The following ROBO1 variants were observed in gnomAD, a reference collection of about 807,000 sequenced individuals.
ROBO1 encodes the protein roundabout homolog 1.
ROBO1 carries 149 observed loss-of-function variants against 195.9 expected under a neutral mutation model. That is an observed-to-expected ratio of 0.76 (90% CI 0.67 to 0.87). The LOEUF is 0.87. ROBO1 is among the 40% of genes least tolerant of loss of function. ROBO1 has a pLI of 0.00. For synonymous variants in ROBO1, 816 were observed against 733.2 expected (o/e 1.11, Z -1.82); for missense variants, 1,933 against 2,068.3 (o/e 0.93, Z 1.27).
chr3:78,944,563 C>G (rs558253536), intron 3 of ROBO1, among the ~76,000 whole-genome samples: 4 of 152,090 alleles, frequency 2.6e-5, no homozygotes, highest in Non-Finnish European at 5.9e-5. Context: ...GGAACAGCTC[C>G]GGTCTACAGC....
intron 2 of ROBO1, among the ~76,000 whole-genome samples, chr3:79,530,927 C>T (rs1941636224): frequency 6.6e-6 from 1 of 152,060 alleles, no homozygotes; most frequent in South Asian, 2.1e-4. Flanking sequence ...GGACGTGACC[C>T]CTTGCTCTGT....
intron 4 of ROBO1, among the ~76,000 whole-genome samples, chr3:78,863,528 G>A (rs2034980742): frequency 6.6e-6 from 1 of 152,156 alleles, no homozygotes; most frequent in African/African-American, 2.4e-5. Context: ...CATGCATGGG[G>A]TTGGGGAAGG....
chr3:78,599,764 T>C (rs1369074172), intron 30 of ROBO1, among the ~76,000 whole-genome samples: 1 of 152,186 alleles, frequency 6.6e-6, no homozygotes, highest in Non-Finnish European at 1.5e-5. Context: ...AACTCTGTCA[T>C]CTTACTGGGT....
chr3:79,515,918 T>A (rs1235907663), intron 2 of ROBO1, among the ~76,000 whole-genome samples: 1 of 152,194 alleles, frequency 6.6e-6, no homozygotes, highest in Non-Finnish European at 1.5e-5. Flanking sequence ...GAATAAAATA[T>A]ATTTTACTTC....
At chr3:79,638,888 T>C (rs1945574969) in intron 1 of ROBO1, among the ~76,000 whole-genome samples, 1 of 152,184 alleles carries the variant, frequency 6.6e-6, no homozygotes, top group Admixed American at 6.5e-5. Flanking sequence ...CCTAAGACTT[T>C]TAAATTTTGA....
In ROBO1 at chr3:78,865,016, T is replaced by G. The variant is rs147030698; in HGVS notation, c.499+73585A>C. Among the ~76,000 whole-genome samples, 627 of 152,312 alleles carry G rather than the reference T, an allele frequency of 4.1e-3. 15 individuals carry two copies. Among genetic ancestry groups the G allele is most frequent in the African/African-American group, 0.013 (543 of 41,572 alleles). On this transcript the variant is annotated intron_variant, in intron 4 of 30. Transcript: ENST00000464233. ...ATATCTTTACTAAAACAGACTTCTA[T>G]TTTTGCATTACCATTCACTCATTTT...
At chr3:78,874,015 G>A (rs1275191583) in intron 4 of ROBO1, among the ~76,000 whole-genome samples, 1 of 151,622 alleles carries the variant, frequency 6.6e-6, no homozygotes, top group Non-Finnish European at 1.5e-5. Flanking sequence ...TTTAAAGAGA[G>A]GATTTTTTTT....
intron 5 of ROBO1, among the ~76,000 whole-genome samples, chr3:78,739,301 A>G (rs2082466866): frequency 6.6e-6 from 1 of 152,178 alleles, no homozygotes; most frequent in African/African-American, 2.4e-5. Context: ...TTATATCTAT[A>G]CAAAATTCCC....
chr3:79,156,159 A>G (rs903566876), intron 2 of ROBO1, among the ~76,000 whole-genome samples: 5 of 151,586 alleles, frequency 3.3e-5, no homozygotes, highest in Admixed American at 3.3e-4. Flanking sequence ...TATTCTGCCC[A>G]TCTCTGCTTA....
At chr3:79,042,956 AT>A (rs1279709835) in intron 3 of ROBO1, among the ~76,000 whole-genome samples, 2 of 152,112 alleles carry the variant, frequency 1.3e-5, no homozygotes, top group Non-Finnish European at 2.9e-5. Flanking sequence ...ATAAAATTGT[AT>A]TTTCACCATA....
chr3:79,728,629 A>AT (rs1194013464), intron 1 of ROBO1, among the ~76,000 whole-genome samples: 15 of 152,234 alleles, frequency 9.9e-5, no homozygotes, highest in East Asian at 5.8e-4. Context: ...CATGACTACA[A>AT]TTTTTTTGGT....
chr3:79,015,380 G>GC (rs77153570), intron 3 of ROBO1, among the ~76,000 whole-genome samples: 2,808 of 69,246 alleles, frequency 0.041, 55 homozygotes, highest in African/African-American at 0.085. Context: ...CCTCCCCCAC[G>GC]CCCCCCCCCA....
chr3:79,129,946 C>T (rs557812686), intron 2 of ROBO1, among the ~76,000 whole-genome samples: 48 of 128,750 alleles, frequency 3.7e-4, no homozygotes, highest in African/African-American at 1.3e-3. Flanking sequence ...GAATCCTTTC[C>T]CCATTGCTTG....
At chr3:79,490,213 G>T (rs1201520612) in intron 2 of ROBO1, among the ~76,000 whole-genome samples, 1 of 152,074 alleles carries the variant, frequency 6.6e-6, no homozygotes, top group Non-Finnish European at 1.5e-5. Context: ...TATGGTATAT[G>T]TGGCTGTTCT....
intron 2 of ROBO1, among the ~76,000 whole-genome samples, chr3:79,184,969 G>C (rs1305558760): frequency 6.6e-6 from 1 of 152,050 alleles, no homozygotes; most frequent in African/African-American, 2.4e-5. Context: ...TAATCAGCCA[G>C]ACTCTTCCAT....
intron 5 of ROBO1, among the ~76,000 whole-genome samples, chr3:78,734,639 A>G (rs954830716): frequency 7.9e-5 from 12 of 151,856 alleles, no homozygotes; most frequent in Non-Finnish European, 1.6e-4. Flanking sequence ...CTCCAGAATC[A>G]TCTCAGGAGA....
rs182232036 is a variant in ROBO1 at position 79,339,627 on chromosome 3, C to T, written c.89-214088G>A. ...TGTAGTTCTCTTTCCTGATTAATTA[C>T]TTCCTTAGCACTCATCAACATCTGA... On this transcript the variant is annotated intron_variant, in intron 2 of 30. Coordinates refer to ENST00000464233, the MANE Select transcript of ROBO1 (RefSeq NM_002941.4). Among the ~76,000 whole-genome samples, 698 of 152,254 alleles carry T rather than the reference C, an allele frequency of 4.6e-3. 5 individuals carry two copies. The highest frequency in any genetic ancestry group is 0.016 in the African/African-American group (652 of 41,556).
At chr3:78,987,684 T>C (rs541358286) in intron 3 of ROBO1, among the ~76,000 whole-genome samples, 1 of 152,100 alleles carries the variant, frequency 6.6e-6, no homozygotes, top group African/African-American at 2.4e-5. Context: ...GAATAAGACC[T>C]AGTATTTCAT....
chr3:79,758,755 C>G (rs951988316), intron 1 of ROBO1, among the ~76,000 whole-genome samples: 1 of 151,940 alleles, frequency 6.6e-6, no homozygotes, highest in Non-Finnish European at 1.5e-5. Context: ...ACTTAGGAGA[C>G]AGGTGGGGAA....
Sources: gnomAD v4.1 joint callset for allele counts (sites outside exome capture counted in the v4.1 genomes callset) on GRCh38, gnomAD v4.1.1 for gene constraint, MANE v1.5 for transcripts, NCBI Gene and HGNC (gene_info 2026-07-23, HGNC 2026-07-21) for gene names.